The following RELN variants were observed in gnomAD, a reference collection of about 807,000 sequenced individuals.
The protein encoded by RELN is reelin.
RELN carries 108 observed loss-of-function variants against 427.6 expected under a neutral mutation model. The ratio of observed to expected loss-of-function variants is 0.25; its 90% CI spans 0.22 to 0.30. The LOEUF (loss-of-function observed/expected upper bound fraction) is 0.30, where lower values mean the gene tolerates loss of function less well. Among genes scored for constraint, RELN ranks in the 10% least tolerant of loss-of-function variants. The pLI, the probability that RELN is intolerant of heterozygous loss-of-function variation, is 1.00. For synonymous variants in RELN, 1,524 were observed against 1,513.4 expected (o/e 1.01, Z -0.16); for missense variants, 3,715 against 4,302.8 (o/e 0.86, Z 3.82).
chr7:103,474,486 C>G (rs1185654890), intron 64 of RELN, among the ~76,000 whole-genome samples: 1 of 152,138 alleles, frequency 6.6e-6, no homozygotes, highest in African/African-American at 2.4e-5. Context: ...CCCATCCCCT[C>G]CATGTGACAA....
intron 20 of RELN, among the ~76,000 whole-genome samples, chr7:103,627,524 G>A (rs527474597): frequency 6.6e-6 from 1 of 152,122 alleles, no homozygotes; most frequent in Non-Finnish European, 1.5e-5. Flanking sequence ...CTTCCATGTT[G>A]TTTCACTTTA....
intron 1 of RELN, among the ~76,000 whole-genome samples, chr7:103,987,074 C>CAAA (rs67498168): frequency 0.026 from 3,081 of 119,010 alleles, 100 homozygotes; most frequent in Middle Eastern, 0.054. Flanking sequence ...GAACATTTTA[C>CAAA]AAAAAAAAAA....
intron 1 of RELN, among the ~76,000 whole-genome samples, chr7:103,938,677 G>A (rs184151200): frequency 6.6e-6 from 1 of 152,222 alleles, no homozygotes; most frequent in Admixed American, 6.5e-5. Flanking sequence ...TTCAGATACA[G>A]GAATCGTAGT....
intron 1 of RELN, among the ~76,000 whole-genome samples, chr7:103,940,613 A>C (rs898133476): frequency 3.3e-5 from 5 of 152,150 alleles, no homozygotes; most frequent in African/African-American, 1.2e-4. Context: ...TGCAGCACCC[A>C]GTAGAGTTCC....
chr7:103,924,184 G>A (rs1162155438), intron 1 of RELN, among the ~76,000 whole-genome samples: 1 of 152,152 alleles, frequency 6.6e-6, no homozygotes, highest in Non-Finnish European at 1.5e-5. Flanking sequence ...GGGTACATGG[G>A]TATAGTCTCC....
At chr7:103,970,954 G>T (rs1026920242) in intron 1 of RELN, among the ~76,000 whole-genome samples, 4 of 152,076 alleles carry the variant, frequency 2.6e-5, no homozygotes, top group African/African-American at 9.7e-5. Flanking sequence ...TCAGGAGTTT[G>T]AGACCAGCCT....
At chr7:103,546,280 C>G (rs898829630) in intron 41 of RELN, among the ~76,000 whole-genome samples, 1 of 152,232 alleles carries the variant, frequency 6.6e-6, no homozygotes, top group African/African-American at 2.4e-5. Flanking sequence ...ATTCACTTAG[C>G]ATAACAGCAT....
At chr7:103,901,802 A>G (rs542928286) in intron 2 of RELN, among the ~76,000 whole-genome samples, 2 of 152,152 alleles carry the variant, frequency 1.3e-5, no homozygotes, top group East Asian at 3.9e-4. Context: ...AGTGTTAAAA[A>G]TCTTTTCAAA....
intron 4 of RELN, among the ~76,000 whole-genome samples, chr7:103,769,132 T>C (rs1172780634): frequency 6.6e-6 from 1 of 152,200 alleles, no homozygotes; most frequent in Non-Finnish European, 1.5e-5. Context: ...ACCTGTGCTT[T>C]GGGCCAGGGA....
At chr7:103,698,573 G>A (rs1834027101) in intron 9 of RELN, among the ~76,000 whole-genome samples, 1 of 152,064 alleles carries the variant, frequency 6.6e-6, no homozygotes. Context: ...GAGTGCAGTG[G>A]CACTATCACA....
chr7:103,775,853 G>C (rs566233959), intron 4 of RELN, among the ~76,000 whole-genome samples: 1 of 152,296 alleles, frequency 6.6e-6, no homozygotes, highest in East Asian at 1.9e-4. Flanking sequence ...CCCCATACTT[G>C]AGAAGCTCAG....
At chr7:103,704,453 C>T (rs999100970) in intron 8 of RELN, among the ~76,000 whole-genome samples, 2 of 152,074 alleles carry the variant, frequency 1.3e-5, no homozygotes, top group African/African-American at 4.8e-5. Flanking sequence ...CAAATCCACA[C>T]GTACCATCCT....
intron 2 of RELN, among the ~76,000 whole-genome samples, chr7:103,894,186 C>T (rs897694022): frequency 2.0e-5 from 3 of 152,018 alleles, no homozygotes; most frequent in Non-Finnish European, 2.9e-5. Context: ...AGAGTTTTAC[C>T]ACATGTTCTA....
At chr7:103,670,274 T>C (rs541503458) in intron 11 of RELN, among the ~76,000 whole-genome samples, 208 of 152,262 alleles carry the variant, frequency 1.4e-3, no homozygotes, top group African/African-American at 4.9e-3. Flanking sequence ...CCTACATAAG[T>C]ATGTATATGT....
At chr7:103,967,393 T>C (rs1796680679) in intron 1 of RELN, among the ~76,000 whole-genome samples, 1 of 152,120 alleles carries the variant, frequency 6.6e-6, no homozygotes, top group Admixed American at 6.5e-5. Flanking sequence ...CTTGTGGGGC[T>C]TTCCATGATG....
intron 8 of RELN, among the ~76,000 whole-genome samples, chr7:103,716,259 T>C (rs549853583): frequency 6.6e-6 from 1 of 152,294 alleles, no homozygotes; most frequent in African/African-American, 2.4e-5. Context: ...CTCATTCTCC[T>C]CTGTAGTCTG....
chr7:103,896,854 A>G (rs1319325115), intron 2 of RELN, among the ~76,000 whole-genome samples: 1 of 152,102 alleles, frequency 6.6e-6, no homozygotes, highest in African/African-American at 2.4e-5. Context: ...TTAAATACAT[A>G]TTAAATTACT....
At chr7:103,777,333 G>T (rs115763145) in intron 3 of RELN, among the ~76,000 whole-genome samples, 269 of 152,170 alleles carry the variant, frequency 1.8e-3, no homozygotes, top group African/African-American at 6.3e-3. Flanking sequence ...CCCTTAAAAA[G>T]AATCTTTCTG....
At chr7:103,574,012 G>C (rs1830940116) in intron 30 of RELN, 80 bp downstream of exon 30, 1 of 1,075,778 alleles carries the variant, frequency 9.3e-7, no homozygotes, top group South Asian at 1.3e-5. Context: ...CCCAATAACA[G>C]AACAGAATGT....
Sources: gnomAD v4.1 joint callset for allele counts (sites outside exome capture counted in the v4.1 genomes callset) on GRCh38, gnomAD v4.1.1 for gene constraint, MANE v1.5 for transcripts, NCBI Gene and HGNC (gene_info 2026-07-23, HGNC 2026-07-21) for gene names.